Variants in PYHIN1 observed in about 807,000 individuals in gnomAD.
PYHIN1 encodes pyrin and HIN domain-containing protein 1.
Under a neutral mutation model 43.7 loss-of-function variants are expected in PYHIN1, and 32 were observed. The ratio of observed to expected loss-of-function variants is 0.73; its 90% CI spans 0.55 to 0.98. PYHIN1 has a LOEUF of 0.98. PYHIN1 is among the 50% of genes least tolerant of loss of function. PYHIN1 has a pLI of 0.00. For missense variants in PYHIN1, 588 were observed against 589.5 expected, an observed-to-expected ratio of 1.00 and a Z score of 0.03; for synonymous variants, 205 against 203.1, an observed-to-expected ratio of 1.01 and a Z score of -0.08.
At position 158,942,235 on chromosome 1, in the gene PYHIN1, C is replaced by A. The variant is rs767534077; in HGVS notation, c.838C>A (p.Leu280Ile). ...ATCAAATTATTCCAAACGTAATAGT[C>A]TCCTAGAGGTGAATGAAGCCTCTTC... ...IISNYSKRNS[L>I]LEVNEASSVS... The change falls in exon 5 of 9, where the codon CTC (leucine) becomes ATC (isoleucine). Residue 280 changes from leucine (L) to isoleucine (I), a missense_variant. Coordinates refer to ENST00000368140, the MANE Select transcript of PYHIN1 (RefSeq NM_152501.5). 1 of 1,614,056 alleles carries A rather than the reference C, an allele frequency of 6.2e-7. No homozygotes were observed. The highest frequency in any genetic ancestry group is 1.7e-5 in the Admixed American group (1 of 60,014).
At chr1:158,952,482 G>A (rs977529986) in intron 7 of PYHIN1, among the ~76,000 whole-genome samples, 3 of 152,134 alleles carry the variant, frequency 2.0e-5, no homozygotes, top group Non-Finnish European at 4.4e-5. Context: ...TCCATACCTA[G>A]AGCATATCCC....
intron 8 of PYHIN1, among the ~76,000 whole-genome samples, chr1:158,974,775 T>C (rs1651152470): frequency 6.6e-6 from 1 of 152,052 alleles, no homozygotes; most frequent in African/African-American, 2.4e-5. Flanking sequence ...TGTAATTTAT[T>C]TGAGAGTCAA....
chr1:158,984,075 T>A, the PYHIN1 span, among the ~76,000 whole-genome samples: 1 of 148,802 alleles, frequency 6.7e-6, no homozygotes, highest in East Asian at 2.0e-4. Context: ...GGTCTATATA[T>A]CTTATTCTTT....
chr1:158,990,618 T>C, the PYHIN1 span, among the ~76,000 whole-genome samples: 2 of 152,200 alleles, frequency 1.3e-5, no homozygotes, highest in South Asian at 4.1e-4. Flanking sequence ...TTGATATTTA[T>C]TACTCCAATC....
At chr1:158,932,755 C>T (rs1256338035) in intron 1 of PYHIN1, among the ~76,000 whole-genome samples, 1 of 152,104 alleles carries the variant, frequency 6.6e-6, no homozygotes, top group Admixed American at 6.5e-5. Flanking sequence ...TCATTCTATA[C>T]CAGATGTGAA....
intron 7 of PYHIN1, among the ~76,000 whole-genome samples, chr1:158,972,454 A>G (rs915720673): frequency 6.6e-6 from 1 of 152,068 alleles, no homozygotes; most frequent in East Asian, 1.9e-4. Flanking sequence ...TATGATTTAC[A>G]AGGGATACAT....
chr1:158,937,396 C>G (rs536746484), intron 2 of PYHIN1, among the ~76,000 whole-genome samples: 1 of 152,102 alleles, frequency 6.6e-6, no homozygotes, highest in Admixed American at 6.5e-5. Flanking sequence ...AGTAAAAGAA[C>G]AAAAAGGAGA....
chr1:158,954,304 T>A (rs1571753558), intron 7 of PYHIN1, among the ~76,000 whole-genome samples: 1 of 63,886 alleles, frequency 1.6e-5, no homozygotes, highest in East Asian at 4.8e-4. Context: ...AATTGGCAGA[T>A]TCACCAAAGT....
intron 7 of PYHIN1, 88 bp downstream of exon 7, chr1:158,945,130 C>A: frequency 7.6e-7 from 1 of 1,307,462 alleles, no homozygotes; most frequent in Non-Finnish European, 1.1e-6. Flanking sequence ...TCTTCTAATC[C>A]CTAACTGTGT....
intron 7 of PYHIN1, among the ~76,000 whole-genome samples, chr1:158,958,933 C>T (rs947261198): frequency 1.3e-5 from 2 of 151,254 alleles, no homozygotes; most frequent in Admixed American, 6.6e-5. Context: ...TAGCCTTAAG[C>T]GGCTGTTTCA....
At position 158,976,975 on chromosome 1, in the gene PYHIN1, C is replaced by T. The variant is rs1487642473; in HGVS notation, c.*280C>T. 9.3e-6 allele frequency: 2 copies of T among 215,484 alleles called. No individual in the cohort carries two copies. The highest frequency in any genetic ancestry group is 5.0e-5 in the African/African-American group (2 of 40,222). The allele number at this position is 215,484 out of a possible 1,614,324, so 13.3% of individuals were successfully genotyped here. A position where few individuals can be genotyped will look rare whatever the true frequency, so the allele number is the denominator to read the frequency against. ...GGTGCATTTTATTTCATTAGTTTTA[C>T]TTTTATGCATTTTCTTCATATCATA... On this transcript the variant is annotated 3_prime_UTR_variant, in exon 9 of 9. Transcript: ENST00000368140.
intron 1 of PYHIN1, among the ~76,000 whole-genome samples, chr1:158,934,593 C>T (rs772933486): frequency 1.3e-5 from 2 of 151,946 alleles, no homozygotes; most frequent in Non-Finnish European, 2.9e-5. Flanking sequence ...TTCCTTCATT[C>T]TATGCTTATC....
At chr1:158,957,201 T>G (rs2101696905) in intron 7 of PYHIN1, among the ~76,000 whole-genome samples, 1 of 143,114 alleles carries the variant, frequency 7.0e-6, no homozygotes, top group South Asian at 2.3e-4. Flanking sequence ...ACAGATTCAA[T>G]GCCATCCCCA....
intron 8 of PYHIN1, 29 bp from the exon 9 acceptor site, chr1:158,976,672 G>T: frequency 1.3e-6 from 2 of 1,561,140 alleles, no homozygotes; most frequent in South Asian, 1.2e-5. Context: ...CATCTCAACG[G>T]GTTTATTTTT....
chr1:158,960,940 T>A (rs1251992506), intron 7 of PYHIN1, among the ~76,000 whole-genome samples: 1 of 152,152 alleles, frequency 6.6e-6, no homozygotes, highest in Admixed American at 6.6e-5. Context: ...AATAAAGAAG[T>A]TTCTTTAATA....
chr1:158,945,727 A>G (rs1649183436), intron 7 of PYHIN1, among the ~76,000 whole-genome samples: 1 of 152,246 alleles, frequency 6.6e-6, no homozygotes, highest in East Asian at 1.9e-4. Flanking sequence ...GGGTCAGTGT[A>G]GCACATGATA....
intron 7 of PYHIN1, among the ~76,000 whole-genome samples, chr1:158,953,387 C>T (rs1649699350): frequency 6.6e-6 from 1 of 150,774 alleles, no homozygotes; most frequent in Non-Finnish European, 1.5e-5. Flanking sequence ...GTTCTCCCAG[C>T]ACGCAGCTGG....
At chr1:158,953,704 C>T (rs931294217) in intron 7 of PYHIN1, among the ~76,000 whole-genome samples, 23 of 152,348 alleles carry the variant, frequency 1.5e-4, no homozygotes, top group South Asian at 6.2e-4. Context: ...CTCTCCTCCT[C>T]CAAAGAAACG....
intron 4 of PYHIN1, chr1:158,939,533 A>G: frequency 6.5e-7 from 1 of 1,548,886 alleles, no homozygotes; most frequent in South Asian, 1.2e-5. Flanking sequence ...GCCCCCATCT[A>G]TTATACACCC....
Sources: gnomAD v4.1 joint callset for allele counts (sites outside exome capture counted in the v4.1 genomes callset) on GRCh38, gnomAD v4.1.1 for gene constraint, MANE v1.5 for transcripts, NCBI Gene and HGNC (gene_info 2026-07-23, HGNC 2026-07-21) for gene names.